JPH2: variants seen among roughly 807,000 people sequenced by gnomAD.
JPH2 encodes junctophilin 2, also known as junctophilin-2.
A neutral mutation model predicts 55.9 loss-of-function variants in JPH2; 38 were observed. That is an observed-to-expected ratio of 0.68 (90% CI 0.52 to 0.89). The LOEUF (loss-of-function observed/expected upper bound fraction) is 0.89, where lower values mean the gene tolerates loss of function less well. JPH2 is among the 40% of genes least tolerant of loss of function. JPH2 has a pLI of 0.00. For synonymous variants in JPH2, 480 were observed against 472.4 expected (o/e 1.02, Z -0.21); for missense variants, 964 against 1,037.6 (o/e 0.93, Z 0.97).
chr20:44,134,227 T>C lies in JPH2; in HGVS notation c.1170-15604A>G, dbSNP rs529566178. Among the ~76,000 whole-genome samples the C allele has an allele frequency of 2.5e-4, 13 of 51,748 alleles. 1 individual carries two copies. Among genetic ancestry groups the C allele is most frequent in the African/African-American group, 7.1e-4 (8 of 11,230 alleles). 33.9% of individuals were successfully genotyped at this position (51,748 alleles called of 152,430 possible). On this transcript the variant is annotated intron_variant, in intron 2 of 5. Coordinates refer to ENST00000372980, the MANE Select transcript of JPH2 (RefSeq NM_020433.5). ...TATAAATATATATTTATTATAAATA[T>C]ATATAAATATTTATTATAAATACAT...
At chr20:44,128,042 C>T (rs1005402409) in intron 2 of JPH2, among the ~76,000 whole-genome samples, 12 of 152,078 alleles carry the variant, frequency 7.9e-5, no homozygotes, top group Admixed American at 2.6e-4. Context: ...ATATGATTTA[C>T]AAATAGTTTT....
At chr20:44,182,310 C>T (rs561872005) in intron 1 of JPH2, among the ~76,000 whole-genome samples, 1 of 152,284 alleles carries the variant, frequency 6.6e-6, no homozygotes, top group East Asian at 1.9e-4. Context: ...GAAGCAGTGG[C>T]CACGTCTAAT....
chr20:44,123,680 C>A (rs1015250855), intron 2 of JPH2, among the ~76,000 whole-genome samples: 5 of 152,220 alleles, frequency 3.3e-5, no homozygotes, highest in Admixed American at 2.6e-4. Flanking sequence ...GTGACCCCCA[C>A]CCAGTATCTT....
chr20:44,169,317 C>G (rs2072680274), intron 1 of JPH2, among the ~76,000 whole-genome samples: 1 of 152,028 alleles, frequency 6.6e-6, no homozygotes, highest in Non-Finnish European at 1.5e-5. Flanking sequence ...GCTGGGACTA[C>G]AGGTTCCTGC....
intron 1 of JPH2, among the ~76,000 whole-genome samples, chr20:44,162,318 T>C (rs1265574861): frequency 1.3e-5 from 2 of 152,212 alleles, no homozygotes; most frequent in Admixed American, 1.3e-4. Flanking sequence ...TTCCTCCAGA[T>C]ATCCTTCAAG....
intron 1 of JPH2, among the ~76,000 whole-genome samples, chr20:44,168,009 G>T (rs2072669666): frequency 6.6e-6 from 1 of 152,152 alleles, no homozygotes; most frequent in Non-Finnish European, 1.5e-5. Context: ...GATGCCCCAG[G>T]TCTTGAGTGG....
At chr20:44,134,095 TATTTATTATAAATATATAAATAA>T (rs2072355874) in intron 2 of JPH2, among the ~76,000 whole-genome samples, 1 of 35,298 alleles carries the variant, frequency 2.8e-5, no homozygotes, top group Non-Finnish European at 4.7e-5. Context: ...TATAAATATA[TATTTATTATAAATATATAAATAA>T]ATATTTATTA....
At chr20:44,138,961 A>T (rs1439166972) in intron 2 of JPH2, among the ~76,000 whole-genome samples, 1 of 152,154 alleles carries the variant, frequency 6.6e-6, no homozygotes, top group East Asian at 1.9e-4. Flanking sequence ...GCCTTGCCCC[A>T]GCTGCCACAC....
intron 2 of JPH2, among the ~76,000 whole-genome samples, chr20:44,145,833 C>T (rs1365384399): frequency 1.3e-5 from 2 of 152,140 alleles, no homozygotes; most frequent in Admixed American, 1.3e-4. Context: ...CTGCACAACC[C>T]TAGCTGGGTC....
At chr20:44,149,311 A>G (rs1262079430) in intron 2 of JPH2, among the ~76,000 whole-genome samples, 1 of 152,152 alleles carries the variant, frequency 6.6e-6, no homozygotes, top group Non-Finnish European at 1.5e-5. Context: ...CTCTCGCTAC[A>G]AGAGCCATGG....
At chr20:44,144,206 G>A (rs1465790040) in intron 2 of JPH2, among the ~76,000 whole-genome samples, 1 of 152,192 alleles carries the variant, frequency 6.6e-6, no homozygotes, top group African/African-American at 2.4e-5. Flanking sequence ...AAGTCAAGTG[G>A]AAGTTGGACT....
chr20:44,129,573 A>AAAAAC (rs1569189181), intron 2 of JPH2, among the ~76,000 whole-genome samples: 49 of 112,472 alleles, frequency 4.4e-4, no homozygotes, highest in East Asian at 1.1e-3. Context: ...AAAAAAACAA[A>AAAAAC]AAAAACAAAA....
At chr20:44,156,058 G>A (rs1175791109) in intron 2 of JPH2, among the ~76,000 whole-genome samples, 1 of 149,244 alleles carries the variant, frequency 6.7e-6, no homozygotes, top group East Asian at 2.0e-4. Context: ...AACTGTCAAG[G>A]ACACACAAAA....
intron 1 of JPH2, among the ~76,000 whole-genome samples, chr20:44,182,158 G>T (rs150925512): frequency 4.6e-5 from 7 of 152,260 alleles, no homozygotes; most frequent in Non-Finnish European, 8.8e-5. Context: ...ACCCAGGGCT[G>T]CCTGACTCCC....
intron 1 of JPH2, among the ~76,000 whole-genome samples, chr20:44,164,274 C>T (rs899991104): frequency 2.0e-5 from 3 of 152,190 alleles, no homozygotes; most frequent in Admixed American, 2.0e-4. Context: ...CATGTGATCC[C>T]ATTGGATGGA....
At chr20:44,115,574 A>C (rs1228762342) in intron 4 of JPH2, 91 bp downstream of exon 4, 1 of 1,551,090 alleles carries the variant, frequency 6.4e-7, no homozygotes, top group Non-Finnish European at 8.8e-7. Flanking sequence ...GCACCCCAGC[A>C]ACCCCCAAAT....
rs6031391 is a variant in JPH2 at position 44,111,002 on chromosome 20, G to T, written c.*2516C>A. On this transcript the variant is annotated 3_prime_UTR_variant, in exon 6 of 6. Transcript: ENST00000372980. ...ACCCCCTCGCTGGGAACCACCGGCT[G>T]TGAGAGTAACTTCATGGGCAGTACT... Among the ~76,000 whole-genome samples, 98,377 of 152,076 alleles carry T rather than the reference G, an allele frequency of 0.65. 32,838 individuals carry two copies. Among genetic ancestry groups the T allele is most frequent in the African/African-American group, 0.84 (34,666 of 41,500 alleles).
rs538051367 is a variant in JPH2, at chr20:44,139,832, T to C, written c.1169+19786A>G. Among the ~76,000 whole-genome samples the C allele has an allele frequency of 3.9e-5, 6 of 152,292 alleles. No individual in the cohort carries two copies. In the East Asian group the frequency reaches 5.8e-4, roughly 15 times the overall value. On this transcript the variant is annotated intron_variant, in intron 2 of 5. Transcript: ENST00000372980. The stretch of plus-strand genomic sequence containing the variant: ...ACAGGAAAAGGAGATGGACTCTTTA[T>C]AGTAATACTTTTCTAACTGTTGGGT...
At chr20:44,147,131 T>C (rs936997325) in intron 2 of JPH2, among the ~76,000 whole-genome samples, 1 of 152,174 alleles carries the variant, frequency 6.6e-6, no homozygotes, top group Non-Finnish European at 1.5e-5. Flanking sequence ...ATTGACCAAA[T>C]TGACATTTTG....
Sources: allele counts gnomAD v4.1 joint callset (sites outside exome capture counted in the v4.1 genomes callset), GRCh38; gene constraint gnomAD v4.1.1; transcripts MANE v1.5; gene names NCBI Gene and HGNC (gene_info 2026-07-23, HGNC 2026-07-21).